The following KCNK10 variants were observed in gnomAD, a reference collection of about 807,000 sequenced individuals.
KCNK10 encodes potassium channel subfamily K member 10.
Under a neutral mutation model 47.7 loss-of-function variants are expected in KCNK10, and 25 were observed. The ratio of observed to expected loss-of-function variants is 0.52; its 90% CI spans 0.38 to 0.73. KCNK10 has a LOEUF of 0.73. Among genes scored for constraint, KCNK10 ranks in the 30% least tolerant of loss-of-function variants. The probability of loss-of-function intolerance (pLI) is 0.00; values close to 1 mark genes in which losing one functional copy is unlikely to be tolerated. For synonymous variants in KCNK10, 303 were observed against 285.6 expected (o/e 1.06, Z -0.61); for missense variants, 563 against 714.5 (o/e 0.79, Z 2.42).
At chr14:88,301,720 G>A (rs1888104331) in intron 1 of KCNK10, among the ~76,000 whole-genome samples, 1 of 151,974 alleles carries the variant, frequency 6.6e-6, no homozygotes, top group Admixed American at 6.6e-5. Context: ...AAGGAAAGCA[G>A]AAAGAAGTGC....
chr14:88,208,200 A>G (rs2139847211), intron 4 of KCNK10, among the ~76,000 whole-genome samples: 1 of 152,374 alleles, frequency 6.6e-6, no homozygotes, highest in African/African-American at 2.4e-5. Context: ...TGAATTCAAG[A>G]CATTTCTAGA....
chr14:88,197,611 A>AAAAAAAAAAAAAAC (rs1884959333), intron 4 of KCNK10, among the ~76,000 whole-genome samples: 1 of 139,934 alleles, frequency 7.1e-6, no homozygotes, highest in Non-Finnish European at 1.5e-5. Flanking sequence ...AAAAAAAAAA[A>AAAAAAAAAAAAAAC]ATCAACTGTT....
chr14:88,311,901 G>T (rs1888336484), intron 1 of KCNK10, among the ~76,000 whole-genome samples: 2 of 152,116 alleles, frequency 1.3e-5, no homozygotes, highest in East Asian at 3.8e-4. Flanking sequence ...AACAGAACCA[G>T]AAGGGGGGCA....
intron 3 of KCNK10, among the ~76,000 whole-genome samples, chr14:88,238,663 G>T (rs1886364688): frequency 6.6e-6 from 1 of 152,148 alleles, no homozygotes; most frequent in Non-Finnish European, 1.5e-5. Context: ...GACACAGAGA[G>T]ATCCTGTCTC....
intron 2 of KCNK10, among the ~76,000 whole-genome samples, chr14:88,254,116 A>G (rs1886877855): frequency 1.3e-5 from 2 of 152,168 alleles, no homozygotes; most frequent in Non-Finnish European, 2.9e-5. Context: ...TTCTTCAGAC[A>G]GAAAAACTAT....
intron 3 of KCNK10, among the ~76,000 whole-genome samples, chr14:88,237,144 A>T (rs116333249): frequency 0.013 from 2,034 of 152,340 alleles, 29 homozygotes; most frequent in East Asian, 0.04. Flanking sequence ...CATTTCAACA[A>T]TGTTCACAGC....
chr14:88,220,234 G>A (rs1228090002), intron 4 of KCNK10, among the ~76,000 whole-genome samples: 2 of 151,216 alleles, frequency 1.3e-5, no homozygotes. Flanking sequence ...CGGCTAAAAC[G>A]GTGAAACCCC....
intron 1 of KCNK10, among the ~76,000 whole-genome samples, chr14:88,296,235 C>A (rs539736794): frequency 2.0e-5 from 3 of 152,276 alleles, no homozygotes; most frequent in African/African-American, 7.2e-5. Flanking sequence ...GTGGAGCAGA[C>A]CTTGATGCCC....
chr14:88,286,632 C>G (rs1298675617), intron 1 of KCNK10, among the ~76,000 whole-genome samples: 2 of 152,186 alleles, frequency 1.3e-5, no homozygotes, highest in Non-Finnish European at 2.9e-5. Context: ...CTCACAGTTC[C>G]ATGTGGCTGG....
chr14:88,224,643 C>T (rs890732809), intron 4 of KCNK10, among the ~76,000 whole-genome samples: 1 of 152,096 alleles, frequency 6.6e-6, no homozygotes, highest in Non-Finnish European at 1.5e-5. Flanking sequence ...AGGGGCTCAC[C>T]CTGTCACCCA....
chr14:88,307,180 A>G (rs866917389), intron 1 of KCNK10, among the ~76,000 whole-genome samples: 7 of 152,212 alleles, frequency 4.6e-5, no homozygotes, highest in Non-Finnish European at 7.3e-5. Flanking sequence ...TGAGCAAATT[A>G]CATACACACT....
At chr14:88,244,838 G>A (rs967566808) in intron 2 of KCNK10, among the ~76,000 whole-genome samples, 2 of 152,130 alleles carry the variant, frequency 1.3e-5, no homozygotes, top group Admixed American at 1.3e-4. Flanking sequence ...AATAATTTCA[G>A]ACTCAGTGAG....
chr14:88,278,489 T>C (rs1339977212), intron 1 of KCNK10, among the ~76,000 whole-genome samples: 1 of 152,200 alleles, frequency 6.6e-6, no homozygotes, highest in Non-Finnish European at 1.5e-5. Flanking sequence ...TGGCACATAG[T>C]AGAGTTCCCT....
At chr14:88,254,523 C>T (rs531599796) in intron 2 of KCNK10, among the ~76,000 whole-genome samples, 12 of 152,200 alleles carry the variant, frequency 7.9e-5, no homozygotes, top group Non-Finnish European at 1.5e-4. Context: ...AAAAAGACTG[C>T]TGCCAATGAT....
At position 88,183,905 on chromosome 14, in the gene KCNK10, C is replaced by T. The variant is rs1884451470; in HGVS notation, c.*1630G>A. The T allele has an allele frequency of 6.6e-6, 1 of 152,390 alleles. No homozygotes were observed. Among genetic ancestry groups the T allele is most frequent in the Non-Finnish European group, 1.5e-5 (1 of 68,050 alleles). The allele number at this position is 152,390 out of a possible 1,614,324, so 9.4% of individuals were successfully genotyped here. A position where few individuals can be genotyped will look rare whatever the true frequency, so the allele number is the denominator to read the frequency against. ...GTGCTGTGATCTTTTGGTAAATCCACACTGCGGGTTAGTTACGTAAAATCC... is the reference window on the plus strand; with the variant it reads ...GTGCTGTGATCTTTTGGTAAATCCATACTGCGGGTTAGTTACGTAAAATCC... On this transcript the variant is annotated 3_prime_UTR_variant, in exon 7 of 7. Coordinates refer to ENST00000319231, the MANE Select transcript of KCNK10 (RefSeq NM_138317.3).
intron 1 of KCNK10, among the ~76,000 whole-genome samples, chr14:88,286,159 C>T (rs540070605): frequency 6.7e-4 from 102 of 152,238 alleles, no homozygotes; most frequent in African/African-American, 2.4e-3. Context: ...CAAGATACCT[C>T]CAGTTGATTT....
chr14:88,238,761 G>A (rs1266819430), intron 3 of KCNK10, among the ~76,000 whole-genome samples: 1 of 152,216 alleles, frequency 6.6e-6, no homozygotes, highest in Non-Finnish European at 1.5e-5. Flanking sequence ...CTGTTTCAGA[G>A]TTCAAAATGC....
intron 5 of KCNK10, among the ~76,000 whole-genome samples, chr14:88,190,935 C>A (rs189277112): frequency 2.4e-3 from 365 of 152,220 alleles, no homozygotes; most frequent in Non-Finnish European, 3.9e-3. Flanking sequence ...CAAGACACTG[C>A]TGGGATCACA....
rs893642197 is a variant in KCNK10, at chr14:88,304,696, A to T, written c.52+18051T>A. On this transcript the variant is annotated intron_variant, in intron 1 of 6. Coordinates refer to ENST00000319231, the MANE Select transcript of KCNK10 (RefSeq NM_138317.3). ...GTTTGCACTGTTTAAAATCACCCCC[A>T]AGTGCAATGCTGAAGTGCTATCCAG... Among the ~76,000 whole-genome samples, 13 of 152,182 alleles carry T rather than the reference A, an allele frequency of 8.5e-5. 1 individual carries two copies. Among genetic ancestry groups the T allele is most frequent in the African/African-American group, 2.9e-4 (12 of 41,446 alleles).
Sources: gnomAD v4.1 joint callset for allele counts (sites outside exome capture counted in the v4.1 genomes callset) on GRCh38, gnomAD v4.1.1 for gene constraint, MANE v1.5 for transcripts, NCBI Gene and HGNC (gene_info 2026-07-23, HGNC 2026-07-21) for gene names.